The following CACNA2D1 variants were observed in gnomAD, a reference collection of about 807,000 sequenced individuals.
CACNA2D1 encodes the protein calcium voltage-gated channel auxiliary subunit alpha2delta 1.
In CACNA2D1, 53 loss-of-function variants were observed where a neutral mutation model predicts 171.5. The observed-to-expected ratio is 0.31, with a 90% CI of 0.25 to 0.39. The LOEUF (loss-of-function observed/expected upper bound fraction) is 0.39. CACNA2D1 is among the 10% of genes least tolerant of loss of function. The pLI is 1.00. For missense variants in CACNA2D1, 903 were observed against 1,299.8 expected (o/e 0.69, Z 4.69); for synonymous variants, 442 against 443.1 (o/e 1.00, Z 0.03).
intron 1 of CACNA2D1, among the ~76,000 whole-genome samples, chr7:82,413,222 TA>T (rs1255288617): frequency 3.9e-4 from 59 of 152,234 alleles, no homozygotes; most frequent in Non-Finnish European, 2.9e-5. Context: ...GAACAATTTT[TA>T]TATCTGTGCA....
At chr7:82,089,109 A>C (rs1336791875) in intron 6 of CACNA2D1, among the ~76,000 whole-genome samples, 1 of 152,102 alleles carries the variant, frequency 6.6e-6, no homozygotes, top group Non-Finnish European at 1.5e-5. Context: ...CCTTTGTTCT[A>C]TATGATATTA....
At chr7:82,394,300 GAAGA>G (rs1414892229) in intron 1 of CACNA2D1, among the ~76,000 whole-genome samples, 2 of 151,634 alleles carry the variant, frequency 1.3e-5, no homozygotes, top group East Asian at 1.9e-4. Flanking sequence ...AAAGGAAAAA[GAAGA>G]AAGAGAAATC....
chr7:82,313,438 T>G (rs1814724197), intron 3 of CACNA2D1, among the ~76,000 whole-genome samples: 1 of 152,200 alleles, frequency 6.6e-6, no homozygotes, highest in Admixed American at 6.5e-5. Flanking sequence ...TCAGAGGCCC[T>G]ACTTATCTGC....
chr7:82,197,829 C>T (rs80293143), intron 3 of CACNA2D1, among the ~76,000 whole-genome samples: 9,606 of 140,934 alleles, frequency 0.068, 688 homozygotes, highest in East Asian at 0.22. Context: ...ACACACACTA[C>T]CATGTGTTTT....
intron 6 of CACNA2D1, among the ~76,000 whole-genome samples, chr7:82,105,969 AT>A (rs901780560): frequency 6.6e-6 from 1 of 152,136 alleles, no homozygotes; most frequent in African/African-American, 2.4e-5. Flanking sequence ...CTCAGGTAGT[AT>A]TTTTTTAAAA....
chr7:82,346,867 T>C (rs1215129573), intron 2 of CACNA2D1, among the ~76,000 whole-genome samples: 7 of 152,198 alleles, frequency 4.6e-5, no homozygotes, highest in African/African-American at 1.4e-4. Flanking sequence ...GGATAAAAAA[T>C]GCTATTAACA....
intron 1 of CACNA2D1, among the ~76,000 whole-genome samples, chr7:82,371,588 T>C (rs1822419716): frequency 6.7e-6 from 1 of 149,224 alleles, no homozygotes; most frequent in South Asian, 2.1e-4. Context: ...TTTATTATTA[T>C]TATTATTTTG....
intron 38 of CACNA2D1, among the ~76,000 whole-genome samples, chr7:81,950,836 C>T (rs1460826381): frequency 6.6e-6 from 1 of 151,818 alleles, no homozygotes; most frequent in Non-Finnish European, 1.5e-5. Context: ...TTTATAAATG[C>T]AAGAAATAAA....
intron 3 of CACNA2D1, among the ~76,000 whole-genome samples, chr7:82,288,775 A>C (rs966247358): frequency 1.3e-5 from 2 of 152,214 alleles, no homozygotes; most frequent in African/African-American, 2.4e-5. Context: ...AGAGTCAATA[A>C]GTTTAGGCAT....
chr7:82,377,054 TA>T (rs768814283), intron 1 of CACNA2D1, among the ~76,000 whole-genome samples: 5 of 152,182 alleles, frequency 3.3e-5, no homozygotes, highest in Non-Finnish European at 7.3e-5. Flanking sequence ...TGCATCATGT[TA>T]AAGGCACAAA....
At chr7:82,289,924 C>T (rs1288967084) in intron 3 of CACNA2D1, among the ~76,000 whole-genome samples, 1 of 152,236 alleles carries the variant, frequency 6.6e-6, no homozygotes, top group Non-Finnish European at 1.5e-5. Flanking sequence ...AAAAGACTGC[C>T]TCATCTTACC....
intron 7 of CACNA2D1, among the ~76,000 whole-genome samples, chr7:82,070,278 G>A (rs952560435): frequency 3.0e-4 from 45 of 152,186 alleles, no homozygotes; most frequent in Non-Finnish European, 1.5e-5. Context: ...GGCCTTTTCA[G>A]ATTTTGAGTT....
intron 4 of CACNA2D1, among the ~76,000 whole-genome samples, chr7:82,148,814 T>C (rs1793455618): frequency 6.6e-6 from 1 of 152,066 alleles, no homozygotes; most frequent in Admixed American, 6.6e-5. Context: ...ATTTTTTATT[T>C]TTAAAAGAGG....
chr7:82,308,775 C>T (rs1329368968), intron 3 of CACNA2D1, among the ~76,000 whole-genome samples: 3 of 152,156 alleles, frequency 2.0e-5, no homozygotes, highest in Non-Finnish European at 4.4e-5. Context: ...TTACCTATGC[C>T]CTTCTTTGTC....
chr7:82,271,232 A>G (rs1378528023), intron 3 of CACNA2D1, among the ~76,000 whole-genome samples: 2 of 152,012 alleles, frequency 1.3e-5, no homozygotes, highest in Non-Finnish European at 2.9e-5. Context: ...CATGTAGAAA[A>G]GAAAAGTACC....
chr7:82,396,463 A>G (rs1825769693), intron 1 of CACNA2D1, among the ~76,000 whole-genome samples: 1 of 152,242 alleles, frequency 6.6e-6, no homozygotes, highest in Non-Finnish European at 1.5e-5. Flanking sequence ...GAATATTTGG[A>G]TAGTCTTAAA....
chr7:82,127,572 A>T (rs974700227), intron 5 of CACNA2D1, among the ~76,000 whole-genome samples: 14 of 152,220 alleles, frequency 9.2e-5, no homozygotes, highest in Non-Finnish European at 1.9e-4. Context: ...CACATATTCT[A>T]TTGTATAAGG....
At chr7:82,404,047 T>C (rs970083991) in intron 1 of CACNA2D1, among the ~76,000 whole-genome samples, 1 of 152,166 alleles carries the variant, frequency 6.6e-6, no homozygotes, top group Non-Finnish European at 1.5e-5. Context: ...TCTAGCAGTG[T>C]TAACTAAGAA....
At chr7:82,205,093 C>T (rs1375236395) in intron 3 of CACNA2D1, among the ~76,000 whole-genome samples, 1 of 152,154 alleles carries the variant, frequency 6.6e-6, no homozygotes, top group East Asian at 1.9e-4. Context: ...GGCTCACTTG[C>T]ATCCAGAGAA....
Sources: allele counts gnomAD v4.1 joint callset (sites outside exome capture counted in the v4.1 genomes callset), GRCh38; gene constraint gnomAD v4.1.1; transcripts MANE v1.5; gene names NCBI Gene and HGNC (gene_info 2026-07-23, HGNC 2026-07-21).